The following SCHIP1 variants were observed in gnomAD, a reference collection of about 807,000 sequenced individuals.
The protein encoded by SCHIP1 is schwannomin-interacting protein 1.
Under a neutral mutation model 29.7 loss-of-function variants are expected in SCHIP1, and 8 were observed. The ratio of observed to expected loss-of-function variants is 0.27; its 90% confidence interval spans 0.16 to 0.49. SCHIP1 has a LOEUF of 0.49. Ranked by LOEUF, SCHIP1 falls within the 20% of genes least tolerant of loss-of-function variation. The probability of loss-of-function intolerance (pLI) is 0.99; values close to 1 mark genes in which losing one functional copy is unlikely to be tolerated. For missense variants in SCHIP1, 193 were observed against 294.6 expected (o/e 0.66, Z 2.52); for synonymous variants, 76 against 94.9 (o/e 0.80, Z 1.16).
the SCHIP1 span, among the ~76,000 whole-genome samples, chr3:159,779,221 T>C: frequency 6.6e-6 from 1 of 152,086 alleles, no homozygotes; most frequent in African/African-American, 2.4e-5. Context: ...AGATTAGAAA[T>C]GGCATAGAAA....
chr3:159,414,497 G>C, the SCHIP1 span, among the ~76,000 whole-genome samples: 1 of 152,178 alleles, frequency 6.6e-6, no homozygotes, highest in East Asian at 1.9e-4. Flanking sequence ...GTTTAATCCA[G>C]TTTAGAAATT....
the SCHIP1 span, among the ~76,000 whole-genome samples, chr3:159,599,992 C>A: frequency 2.0e-5 from 3 of 152,242 alleles, no homozygotes; most frequent in African/African-American, 7.2e-5. Context: ...GAGATAGTAT[C>A]CTTGGTTGAT....
chr3:159,442,320 G>C, the SCHIP1 span, among the ~76,000 whole-genome samples: 2 of 152,306 alleles, frequency 1.3e-5, no homozygotes, highest in Admixed American at 6.5e-5. Flanking sequence ...AGGCAGGAAA[G>C]AGGAATATCA....
the SCHIP1 span, among the ~76,000 whole-genome samples, chr3:159,466,407 G>C: frequency 1.3e-5 from 2 of 152,090 alleles, no homozygotes; most frequent in East Asian, 3.9e-4. Context: ...AATGTTTTCT[G>C]AGCCTTGGTT....
chr3:159,548,086 G>T, the SCHIP1 span, among the ~76,000 whole-genome samples: 1 of 151,646 alleles, frequency 6.6e-6, no homozygotes, highest in Non-Finnish European at 1.5e-5. Context: ...CTAATATTTT[G>T]TTTGGGATTT....
At chr3:159,653,428 T>A in the SCHIP1 span, among the ~76,000 whole-genome samples, 1 of 152,136 alleles carries the variant, frequency 6.6e-6, no homozygotes, top group Non-Finnish European at 1.5e-5. Flanking sequence ...TGAGTTCATG[T>A]CCTTTGCAGA....
chr3:159,425,408 C>G, the SCHIP1 span, among the ~76,000 whole-genome samples: 7 of 150,902 alleles, frequency 4.6e-5, no homozygotes, highest in African/African-American at 1.2e-4. Context: ...TCTGATAAAA[C>G]AGACTTTAAA....
At chr3:159,419,055 C>G in the SCHIP1 span, among the ~76,000 whole-genome samples, 65 of 152,082 alleles carry the variant, frequency 4.3e-4, no homozygotes, top group Non-Finnish European at 1.6e-4. Flanking sequence ...ATCTGTTGCT[C>G]CTTGCAAACA....
the SCHIP1 span, among the ~76,000 whole-genome samples, chr3:159,609,960 A>T: frequency 6.6e-6 from 1 of 152,220 alleles, no homozygotes; most frequent in African/African-American, 2.4e-5. Context: ...CAGGAGTGGA[A>T]GGACCTATGC....
the SCHIP1 span, among the ~76,000 whole-genome samples, chr3:159,504,705 A>T: frequency 6.6e-6 from 1 of 152,098 alleles, no homozygotes; most frequent in Non-Finnish European, 1.5e-5. Flanking sequence ...CTTTATGTAG[A>T]GAATCAATAT....
chr3:159,512,815 CT>C, the SCHIP1 span, among the ~76,000 whole-genome samples: 1 of 152,126 alleles, frequency 6.6e-6, no homozygotes, highest in African/African-American at 2.4e-5. Flanking sequence ...ATTTTTTGTG[CT>C]CATTAACCAT....
At chr3:159,763,276 G>C in the SCHIP1 span, among the ~76,000 whole-genome samples, 1 of 151,962 alleles carries the variant, frequency 6.6e-6, no homozygotes. Flanking sequence ...CTCCCACATG[G>C]GCTTGTGTAT....
chr3:159,427,061 A>C, the SCHIP1 span, among the ~76,000 whole-genome samples: 3 of 152,206 alleles, frequency 2.0e-5, no homozygotes, highest in Non-Finnish European at 4.4e-5. Flanking sequence ...ATCTATGACA[A>C]ACCCACAGCC....
the SCHIP1 span, among the ~76,000 whole-genome samples, chr3:159,507,497 C>T: frequency 6.6e-6 from 1 of 152,152 alleles, no homozygotes; most frequent in African/African-American, 2.4e-5. Context: ...GAACTTCCAG[C>T]ACTAGGTTGA....
At chr3:159,836,863 G>A (rs1560075357), upstream of SCHIP1, among the ~76,000 whole-genome samples, 1 of 152,202 alleles carries the variant, frequency 6.6e-6, no homozygotes, top group African/African-American at 2.4e-5. Flanking sequence ...GCTGGTTTCT[G>A]TTTAAAGTTT....
the SCHIP1 span, chr3:159,765,138 C>A: frequency 6.4e-7 from 1 of 1,556,652 alleles, no homozygotes. Context: ...ACTCCACCTC[C>A]GTAAGTTGGC....
At chr3:159,770,160 C>G in the SCHIP1 span, among the ~76,000 whole-genome samples, 6 of 152,066 alleles carry the variant, frequency 3.9e-5, no homozygotes, top group Non-Finnish European at 5.9e-5. Context: ...GAGTAGTGTT[C>G]CATTTTGTGG....
At chr3:159,656,772 A>G in the SCHIP1 span, among the ~76,000 whole-genome samples, 2 of 152,188 alleles carry the variant, frequency 1.3e-5, no homozygotes, top group Admixed American at 1.3e-4. Flanking sequence ...CAGGTTTTAT[A>G]TATAAGGTAC....
At chr3:159,473,560 G>A in the SCHIP1 span, among the ~76,000 whole-genome samples, 1 of 150,782 alleles carries the variant, frequency 6.6e-6, no homozygotes, top group African/African-American at 2.4e-5. Context: ...AAGAAAATTT[G>A]CTACACCCTG....
Sources: gnomAD v4.1 joint callset for allele counts (sites outside exome capture counted in the v4.1 genomes callset) on GRCh38, gnomAD v4.1.1 for gene constraint, MANE v1.5 for transcripts, NCBI Gene and HGNC (gene_info 2026-07-23, HGNC 2026-07-21) for gene names.